CFAP47: variants seen among roughly 807,000 people sequenced by gnomAD.
The protein encoded by CFAP47 is cilia- and flagella-associated protein 47.
A neutral mutation model predicts 148.1 loss-of-function variants in CFAP47; 29 were observed. That is an observed-to-expected ratio of 0.20 (90% confidence interval 0.15 to 0.27). The LOEUF (loss-of-function observed/expected upper bound fraction) is 0.27. CFAP47 is among the 10% of genes least tolerant of loss of function. The pLI is 1.00. For synonymous variants in CFAP47, 664 were observed against 577.3 expected (o/e 1.15, Z -2.15); for missense variants, 1,872 against 1,697.5 (o/e 1.10, Z -1.81).
chrX:36,323,981 G>A (rs1556012558), intron 57 of CFAP47, among the ~76,000 whole-genome samples: 1 of 111,492 alleles, frequency 9.0e-6, no homozygotes, highest in Non-Finnish European at 1.9e-5. Context: ...TTTTTAGAAA[G>A]TTCACTGTTC....
chrX:36,197,287 A>G (rs1284963699), intron 42 of CFAP47, among the ~76,000 whole-genome samples: 1 of 111,680 alleles, frequency 9.0e-6, no homozygotes, highest in Non-Finnish European at 1.9e-5. Context: ...ATTCTGGCAA[A>G]TAGCCATTTA....
chrX:36,297,840 T>G (rs920838534), intron 51 of CFAP47, among the ~76,000 whole-genome samples: 2 of 111,977 alleles, frequency 1.8e-5, no homozygotes, highest in Admixed American at 1.9e-4. Context: ...AGCAGCAGCA[T>G]CATGTGGAAA....
intron 8 of CFAP47, among the ~76,000 whole-genome samples, chrX:35,959,759 A>G (rs949872832): frequency 5.5e-5 from 6 of 108,470 alleles, no homozygotes; most frequent in African/African-American, 2.0e-4. Flanking sequence ...CACGCTTGTA[A>G]TCCCAGCTAC....
chrX:35,997,112 A>AG (rs890767753), intron 18 of CFAP47, among the ~76,000 whole-genome samples, 200 bp from the exon 19 acceptor site: 9 of 111,825 alleles, frequency 8.0e-5, no homozygotes, highest in African/African-American at 2.9e-4. Context: ...GGTGGTTCTA[A>AG]GGGGTCAAAC....
chrX:36,090,845 A>G (rs1235628196), intron 30 of CFAP47, among the ~76,000 whole-genome samples: 2 of 111,860 alleles, frequency 1.8e-5, no homozygotes. Context: ...ACTTATGTTT[A>G]GGGATTAAGC....
At chrX:36,147,975 T>TTA (rs566805368) in intron 36 of CFAP47, among the ~76,000 whole-genome samples, 81 of 109,835 alleles carry the variant, frequency 7.4e-4, no homozygotes, top group African/African-American at 2.6e-3. Flanking sequence ...TCTTGTTAAA[T>TTA]AAAAAAAAAT....
intron 15 of CFAP47, among the ~76,000 whole-genome samples, chrX:35,983,780 G>T (rs1936678124): frequency 1.8e-5 from 2 of 111,990 alleles, no homozygotes; most frequent in African/African-American, 6.5e-5. Flanking sequence ...ATTTGTGTAT[G>T]TTGAACCAAC....
intron 33 of CFAP47, among the ~76,000 whole-genome samples, chrX:36,130,700 TA>T (rs1208038058): frequency 2.8e-4 from 31 of 110,041 alleles, no homozygotes; most frequent in Admixed American, 4.9e-4. Flanking sequence ...GTTGAATAGA[TA>T]AAAAAAATGT....
At chrX:35,954,793 A>T (rs1936219829) in intron 7 of CFAP47, among the ~76,000 whole-genome samples, 1 of 111,718 alleles carries the variant, frequency 9.0e-6, no homozygotes, top group Non-Finnish European at 1.9e-5. Flanking sequence ...ATTGTCCATT[A>T]TTCTAATTAT....
chrX:36,368,835 G>T (rs1556020829), intron 62 of CFAP47, among the ~76,000 whole-genome samples: 2 of 111,105 alleles, frequency 1.8e-5, no homozygotes, highest in African/African-American at 6.5e-5. Flanking sequence ...TTCAATAAAT[G>T]GTATTGTTAT....
intron 63 of CFAP47, among the ~76,000 whole-genome samples, chrX:36,383,947 A>G (rs1556024635): frequency 8.9e-6 from 1 of 111,976 alleles, no homozygotes; most frequent in Non-Finnish European, 1.9e-5. Context: ...GAAGAAATGA[A>G]GAATGTTTAA....
chrX:35,924,114 T>C (rs1162820762), intron 1 of CFAP47, among the ~76,000 whole-genome samples: 1 of 101,339 alleles, frequency 9.9e-6, no homozygotes, highest in Non-Finnish European at 2.0e-5. Context: ...TATATGTACA[T>C]GTATGCGTAC....
At chrX:36,212,824 A>G (rs924253329) in intron 45 of CFAP47, among the ~76,000 whole-genome samples, 1 of 111,421 alleles carries the variant, frequency 9.0e-6, no homozygotes, top group African/African-American at 3.3e-5. Flanking sequence ...TAAAAACTAT[A>G]CGCAGCCAGG....
intron 22 of CFAP47, among the ~76,000 whole-genome samples, chrX:36,023,435 A>G (rs1243399247): frequency 9.0e-6 from 1 of 111,211 alleles, no homozygotes; most frequent in Non-Finnish European, 1.9e-5. Flanking sequence ...GTTTCACCCA[A>G]TGCCTCCTAT....
chrX:36,224,750 G>A (rs1251943782), intron 45 of CFAP47, among the ~76,000 whole-genome samples: 2 of 111,764 alleles, frequency 1.8e-5, no homozygotes, highest in Admixed American at 9.5e-5. Context: ...GTAGTACCAT[G>A]TGGAGATGAT....
intron 26 of CFAP47, among the ~76,000 whole-genome samples, chrX:36,064,370 G>A (rs1409400292): frequency 5.4e-5 from 6 of 111,918 alleles, no homozygotes; most frequent in Non-Finnish European, 9.4e-5. Context: ...GTTAGTGTTT[G>A]TTAACCAAGA....
intron 51 of CFAP47, among the ~76,000 whole-genome samples, chrX:36,288,818 A>G (rs1556005062): frequency 1.8e-5 from 2 of 110,952 alleles, no homozygotes; most frequent in Non-Finnish European, 3.8e-5. Context: ...GGCTTGCTTG[A>G]GCTCGGGAGT....
At position 36,007,196 on chromosome X, in the gene CFAP47, C is replaced by G. The variant is rs1227855407; in HGVS notation, c.3417+5489C>G. Among the ~76,000 whole-genome samples the G allele has an allele frequency of 2.7e-5, 3 of 112,015 alleles. No homozygotes were observed. The East Asian group carries it at 8.4e-4, about 31-fold the overall frequency. ...AGAATTGTTCATGCTTTTTATTTTT[C>G]CCACTAGCCTTGATCTGCGATTTAA... is the stretch of plus-strand genomic sequence containing the variant. On this transcript the variant is annotated intron_variant, in intron 21 of 63. Coordinates refer to ENST00000378653, the MANE Select transcript of CFAP47 (RefSeq NM_001304548.2).
chrX:36,138,484 A>G lies in CFAP47; in HGVS notation c.5535+20A>G. ...ATACAGGTGGGTGCCTTTATATTAA[A>G]CATTCTACAAACATTTTATAAATTT... On this transcript the variant is annotated intron_variant, in intron 35 of 63. Coordinates refer to ENST00000378653, the MANE Select transcript of CFAP47 (RefSeq NM_001304548.2). 1.8e-6 allele frequency: 2 copies of G among 1,127,712 alleles called. No individual in the cohort carries two copies. Among genetic ancestry groups the G allele is most frequent in the Non-Finnish European group, 2.3e-6 (2 of 859,679 alleles). The allele number at this position is 1,127,712 out of a possible 1,213,427, so 92.9% of individuals were successfully genotyped here. A position where few individuals can be genotyped will look rare whatever the true frequency, so the allele number is the denominator to read the frequency against.
Sources: allele counts gnomAD v4.1 joint callset (sites outside exome capture counted in the v4.1 genomes callset), GRCh38; gene constraint gnomAD v4.1.1; transcripts MANE v1.5; gene names NCBI Gene and HGNC (gene_info 2026-07-23, HGNC 2026-07-21).